SYNE1: variants seen among roughly 807,000 people sequenced by gnomAD.
The protein encoded by SYNE1 is spectrin repeat containing nuclear envelope protein 1, also known as nesprin-1.
A neutral mutation model predicts 1,111.0 loss-of-function variants in SYNE1; 616 were observed. The observed-to-expected ratio is 0.55, with a 90% confidence interval of 0.52 to 0.59. The LOEUF is 0.59. Ranked by LOEUF, SYNE1 falls within the 20% of genes least tolerant of loss-of-function variation. The pLI is 0.00. For missense variants in SYNE1, 10,006 were observed against 10,417.0 expected, an observed-to-expected ratio of 0.96 and a Z score of 1.72; for synonymous variants, 3,855 against 3,825.8, an observed-to-expected ratio of 1.01 and a Z score of -0.28.
At chr6:152,468,625 T>C (rs2098785641) in intron 16 of SYNE1, among the ~76,000 whole-genome samples, 1 of 152,182 alleles carries the variant, frequency 6.6e-6, no homozygotes, top group Non-Finnish European at 1.5e-5. Context: ...TCTCTAACAC[T>C]TAAAAAAAGT....
chr6:152,135,817 G>T (rs35658027), intron 141 of SYNE1, among the ~76,000 whole-genome samples: 1 of 151,806 alleles, frequency 6.6e-6, no homozygotes, highest in Admixed American at 6.6e-5. Context: ...TTTCCATGGC[G>T]CTCAGAATAT....
At chr6:152,606,971 C>T (rs1198884643) in intron 3 of SYNE1, among the ~76,000 whole-genome samples, 2 of 124,240 alleles carry the variant, frequency 1.6e-5, no homozygotes, top group Non-Finnish European at 3.3e-5. Context: ...AGGCATGCCT[C>T]GGTTCTCTTT....
intron 3 of SYNE1, among the ~76,000 whole-genome samples, chr6:152,611,692 A>G (rs1377105238): frequency 2.0e-5 from 3 of 152,222 alleles, no homozygotes; most frequent in African/African-American, 2.4e-5. Context: ...AACAGAATAT[A>G]CATTCTTCTC....
At chr6:152,312,008 T>C (rs953735166) in intron 87 of SYNE1, among the ~76,000 whole-genome samples, 2 of 152,052 alleles carry the variant, frequency 1.3e-5, no homozygotes. Flanking sequence ...ATGGTCTCGA[T>C]CTCCTGACCT....
At chr6:152,540,793 G>C (rs577435082) in intron 3 of SYNE1, among the ~76,000 whole-genome samples, 1 of 152,312 alleles carries the variant, frequency 6.6e-6, no homozygotes, top group Admixed American at 6.5e-5. Context: ...GGAACTAGAG[G>C]CTCCCTTCAG....
chr6:152,369,342 T>G, intron 60 of SYNE1, 129 bp downstream of exon 60: 1 of 1,464,080 alleles, frequency 6.8e-7, no homozygotes, highest in Non-Finnish European at 9.4e-7. Flanking sequence ...CCACCAGAAA[T>G]GGGGAAAAAC....
chr6:152,573,046 T>C (rs1363159582), intron 3 of SYNE1, among the ~76,000 whole-genome samples: 10 of 152,132 alleles, frequency 6.6e-5, no homozygotes, highest in Non-Finnish European at 1.3e-4. Flanking sequence ...CCTTGTTGAA[T>C]ATCCTCAGGC....
At position 152,376,861 on chromosome 6, in the gene SYNE1, A is replaced by C. The variant is rs2097290516; in HGVS notation, c.9061T>G (p.Ser3021Ala). Reference sequence around the variant, plus strand: ...AATCGACAAAGTTCATTCAGCTGAGACTTGAGATCCTCTGTTCTAGGCTCT... The same window carrying C: ...AATCGACAAAGTTCATTCAGCTGAGCCTTGAGATCCTCTGTTCTAGGCTCT... ...KAEPRTEDLK[S>A]QLNELCRFSR... The change falls in exon 57 of 146, where the codon TCT (serine) becomes GCT (alanine). Residue 3021 changes from serine to alanine, a missense_variant. Physicochemically the swap from Ser to Ala is moderately conservative, Grantham distance 99 (BLOSUM62 1). Coordinates refer to ENST00000367255, the MANE Select transcript of SYNE1 (RefSeq NM_182961.4). 6 of 1,613,994 alleles carry C rather than the reference A, an allele frequency of 3.7e-6. No homozygotes were observed. Among genetic ancestry groups the C allele is most frequent in the Non-Finnish European group, 4.2e-6 (5 of 1,180,010 alleles).
chr6:152,520,323 T>C lies in SYNE1; in HGVS notation c.309+136A>G, dbSNP rs536942148. Reference sequence around the variant, plus strand: ...CCATAAATCTAAGAGTATTTTATAATACAATGATATTGTATGTCTAGGCTG... The same window carrying C: ...CCATAAATCTAAGAGTATTTTATAACACAATGATATTGTATGTCTAGGCTG... On this transcript the variant is annotated intron_variant, in intron 6 of 145. Transcript: ENST00000367255. 112 of 889,588 alleles carry C rather than the reference T, an allele frequency of 1.3e-4. No homozygotes were observed. The South Asian group carries it at 1.4e-3, about 11-fold the overall frequency. The allele number at this position is 889,588 out of a possible 1,614,324, so 55.1% of individuals were successfully genotyped here. A position where few individuals can be genotyped will look rare whatever the true frequency, so the allele number is the denominator to read the frequency against.
chr6:152,337,847 A>C (rs2096437793), intron 75 of SYNE1, among the ~76,000 whole-genome samples: 1 of 152,182 alleles, frequency 6.6e-6, no homozygotes, highest in South Asian at 2.1e-4. Flanking sequence ...CATTTCTGTA[A>C]AAATAAATGG....
At chr6:152,341,115 A>G (rs544552643) in intron 74 of SYNE1, among the ~76,000 whole-genome samples, 7 of 152,174 alleles carry the variant, frequency 4.6e-5, no homozygotes, top group Non-Finnish European at 1.0e-4. Flanking sequence ...CTGTGGATAT[A>G]ATAAACACAG....
intron 58 of SYNE1, among the ~76,000 whole-genome samples, chr6:152,373,454 G>T (rs1236614510): frequency 5.3e-5 from 8 of 151,852 alleles, no homozygotes; most frequent in Admixed American, 5.2e-4. Context: ...TAATTTTTTT[G>T]TATTTTTAGT....
chr6:152,242,318 A>T lies in SYNE1; in HGVS notation c.19815T>A (p.Gly6605=), dbSNP rs776418227. The part of the protein sequence containing the change: ...LQDLADLLET[G]QEKMAGDQKI... ...TCTGGTCTCCTGCCATCTTCTCCTGACCAGTTTCTAGCAGGTCAGCCAGAT... is the reference window on the plus strand; with the variant it reads ...TCTGGTCTCCTGCCATCTTCTCCTGTCCAGTTTCTAGCAGGTCAGCCAGAT... The change falls in exon 107 of 146, where the codon GGT becomes GGA. Residue 6605 remains glycine, a synonymous_variant. Coordinates refer to ENST00000367255, the MANE Select transcript of SYNE1 (RefSeq NM_182961.4). 95 of 1,613,866 alleles carry T rather than the reference A, an allele frequency of 5.9e-5. No individual in the cohort carries two copies. In the Middle Eastern group the frequency reaches 6.6e-4, roughly 11 times the overall value.
chr6:152,511,476 C>G, intron 6 of SYNE1: 1 of 1,088,206 alleles, frequency 9.2e-7, no homozygotes, highest in South Asian at 1.3e-5. Context: ...TAAGAAGATG[C>G]ACTTACTTTG....
rs1230906209 is a variant in SYNE1, at chr6:152,256,777, C to A, written c.18973-12G>T. ...GGCCTGCTATAAAGCTGTAGGCAAACAAAGGCAGCTTGTTGAAGAGCATAT... is the reference window on the plus strand; with the variant it reads ...GGCCTGCTATAAAGCTGTAGGCAAAAAAAGGCAGCTTGTTGAAGAGCATAT... On this transcript the variant is annotated splice_polypyrimidine_tract_variant and intron_variant, in intron 101 of 145. Coordinates refer to ENST00000367255, the MANE Select transcript of SYNE1 (RefSeq NM_182961.4). The A allele has an allele frequency of 6.2e-7, 1 of 1,612,946 alleles. No homozygotes were observed.
chr6:152,394,392 C>T (rs897140013), intron 51 of SYNE1, among the ~76,000 whole-genome samples: 1 of 151,368 alleles, frequency 6.6e-6, no homozygotes, highest in Non-Finnish European at 1.5e-5. Flanking sequence ...TATGTAGATG[C>T]ACTGGCTCTT....
intron 14 of SYNE1, among the ~76,000 whole-genome samples, chr6:152,478,939 G>A (rs1273195849): frequency 4.6e-5 from 7 of 152,212 alleles, no homozygotes; most frequent in Non-Finnish European, 5.9e-5. Flanking sequence ...CAAGGCAAGC[G>A]AGGATGTGGA....
intron 3 of SYNE1, among the ~76,000 whole-genome samples, chr6:152,590,980 A>C (rs1168789073): frequency 6.6e-6 from 1 of 152,106 alleles, no homozygotes; most frequent in Non-Finnish European, 1.5e-5. Context: ...TTTGGGCAGT[A>C]TGGCCATTTT....
intron 140 of SYNE1, 24 bp from the exon 141 acceptor site, chr6:152,136,842 C>A (rs1239977275): frequency 1.9e-6 from 3 of 1,606,950 alleles, no homozygotes; most frequent in Non-Finnish European, 2.6e-6. Context: ...AAAAGACAAT[C>A]AAACAAGGAC....
Sources: allele counts gnomAD v4.1 joint callset (sites outside exome capture counted in the v4.1 genomes callset), GRCh38; gene constraint gnomAD v4.1.1; transcripts MANE v1.5; gene names NCBI Gene and HGNC (gene_info 2026-07-23, HGNC 2026-07-21).